Variants in NR6A1 observed in about 807,000 individuals in gnomAD.
NR6A1 encodes the protein nuclear receptor subfamily 6 group A member 1, also known as retinoic acid receptor-related testis-associated receptor.
A neutral mutation model predicts 59.1 loss-of-function variants in NR6A1; 7 were observed. The ratio of observed to expected loss-of-function variants is 0.12; its 90% CI spans 0.07 to 0.22. The LOEUF is 0.22. Ranked by LOEUF, NR6A1 falls within the 10% of genes least tolerant of loss-of-function variation. The pLI is 1.00. For synonymous variants in NR6A1, 243 were observed against 236.1 expected (o/e 1.03, Z -0.27); for missense variants, 468 against 611.6 (o/e 0.77, Z 2.48).
chr9:124,542,313 G>A (rs1412948830), intron 4 of NR6A1, among the ~76,000 whole-genome samples: 1 of 152,194 alleles, frequency 6.6e-6, no homozygotes, highest in Non-Finnish European at 1.5e-5. Flanking sequence ...GCAGAGTTGG[G>A]AATCACACAG....
At position 124,749,015 on chromosome 9, in the gene NR6A1, C is replaced by T. The variant is rs1021730730; in HGVS notation, c.101-15666G>A. 2.0e-5 allele frequency among the ~76,000 whole-genome samples: 3 copies of T among 152,324 alleles called. No individual in the cohort carries two copies. In the East Asian group the frequency reaches 5.8e-4, roughly 29 times the overall value. On this transcript the variant is annotated intron_variant, in intron 1 of 9. Transcript: ENST00000487099. ...CGGTGGCTCACGCCTGTAACCCCAG[C>T]ACTTTGGGAGGCCAAGGCGGGCGGA...
chr9:124,590,234 G>A (rs1413262186), intron 2 of NR6A1, among the ~76,000 whole-genome samples: 1 of 151,790 alleles, frequency 6.6e-6, no homozygotes, highest in Non-Finnish European at 1.5e-5. Flanking sequence ...TTTGCCAATT[G>A]TAATTCAGGC....
intron 1 of NR6A1, among the ~76,000 whole-genome samples, chr9:124,745,488 A>G (rs1037338957): frequency 6.6e-6 from 1 of 151,936 alleles, no homozygotes; most frequent in African/African-American, 2.4e-5. Context: ...CCTGCCCAAC[A>G]TGGACAAACC....
rs146789077 is a variant in NR6A1, at chr9:124,726,040, T to C, written c.142+7268A>G. 2.2e-3 allele frequency among the ~76,000 whole-genome samples: 338 copies of C among 152,338 alleles called. 1 individual carries two copies. Among genetic ancestry groups the C allele is most frequent in the African/African-American group, 7.9e-3 (330 of 41,564 alleles). ...CTTTTGATTAGTTCTTACATTTTTA[T>C]GGTACCAATCACAGGGCAAAATTTC... On this transcript the variant is annotated intron_variant, in intron 2 of 9. Coordinates refer to ENST00000487099, the MANE Select transcript of NR6A1 (RefSeq NM_033334.4).
chr9:124,591,111 C>T (rs1032088833), intron 2 of NR6A1, among the ~76,000 whole-genome samples: 5 of 152,318 alleles, frequency 3.3e-5, no homozygotes, highest in Non-Finnish European at 7.4e-5. Flanking sequence ...GAGCCCCTCC[C>T]TTATTGTTGC....
intron 2 of NR6A1, among the ~76,000 whole-genome samples, chr9:124,569,615 G>A (rs755825063): frequency 6.6e-6 from 1 of 152,172 alleles, no homozygotes; most frequent in Non-Finnish European, 1.5e-5. Context: ...CCAACTCTCT[G>A]ATCAGTTGTA....
intron 7 of NR6A1, among the ~76,000 whole-genome samples, chr9:124,530,777 T>C (rs1297285845): frequency 6.6e-6 from 1 of 152,176 alleles, no homozygotes; most frequent in Non-Finnish European, 1.5e-5. Context: ...TAAGACTAGT[T>C]TCAGGACAAA....
intron 2 of NR6A1, among the ~76,000 whole-genome samples, chr9:124,637,564 C>A (rs1039498213): frequency 3.3e-5 from 5 of 152,144 alleles, no homozygotes; most frequent in African/African-American, 1.2e-4. Context: ...CAAATCAAGT[C>A]TGACTCCAAA....
chr9:124,689,047 A>T (rs75085946), intron 2 of NR6A1, among the ~76,000 whole-genome samples: 1 of 152,220 alleles, frequency 6.6e-6, no homozygotes, highest in Non-Finnish European at 1.5e-5. Flanking sequence ...TAAAACACAT[A>T]TATGTACACA....
intron 2 of NR6A1, chr9:124,599,052 C>A: frequency 1.4e-6 from 1 of 733,390 alleles, no homozygotes; most frequent in South Asian, 1.4e-5. Context: ...GTCCCCTTCT[C>A]CTTGTGCTTC....
intron 5 of NR6A1, 37 bp downstream of exon 5, chr9:124,539,996 C>CACTTAAAGCTCA: frequency 6.6e-7 from 1 of 1,521,192 alleles, no homozygotes; most frequent in South Asian, 1.3e-5. Context: ...GGTGGGGGAT[C>CACTTAAAGCTCA]CCTAGATGAT....
At chr9:124,761,676 T>C (rs941294493) in intron 1 of NR6A1, among the ~76,000 whole-genome samples, 7 of 152,184 alleles carry the variant, frequency 4.6e-5, no homozygotes, top group Non-Finnish European at 8.8e-5. Flanking sequence ...GCCAAACATG[T>C]CTAAGGAAAG....
chr9:124,731,776 A>T (rs1387199435), intron 2 of NR6A1, among the ~76,000 whole-genome samples: 1 of 152,256 alleles, frequency 6.6e-6, no homozygotes, highest in Non-Finnish European at 1.5e-5. Context: ...ACAATATAGA[A>T]TATAATACAT....
At chr9:124,690,153 G>C (rs1838483090) in intron 2 of NR6A1, among the ~76,000 whole-genome samples, 1 of 152,088 alleles carries the variant, frequency 6.6e-6, no homozygotes, top group African/African-American at 2.4e-5. Context: ...ATGGTGCTTG[G>C]GAAACACCTA....
At chr9:124,594,421 A>C (rs1835214271) in intron 2 of NR6A1, among the ~76,000 whole-genome samples, 1 of 152,164 alleles carries the variant, frequency 6.6e-6, no homozygotes, top group Non-Finnish European at 1.5e-5. Flanking sequence ...AAAAAAATCT[A>C]AATTCTCCAG....
At chr9:124,754,656 C>G (rs1375698724) in intron 1 of NR6A1, among the ~76,000 whole-genome samples, 1 of 152,132 alleles carries the variant, frequency 6.6e-6, no homozygotes, top group Non-Finnish European at 1.5e-5. Context: ...TCTGTAAGGT[C>G]TACAGATTAG....
chr9:124,618,778 G>A (rs1835974582), intron 2 of NR6A1, among the ~76,000 whole-genome samples: 1 of 152,118 alleles, frequency 6.6e-6, no homozygotes, highest in Non-Finnish European at 1.5e-5. Flanking sequence ...ACTTCTCCCT[G>A]GAACATTTAT....
At position 124,554,321 on chromosome 9, in the gene NR6A1, C is replaced by T; in HGVS notation, c.385+7G>A. On this transcript the variant is annotated splice_region_variant and intron_variant, in intron 3 of 9. Transcript: ENST00000487099. ...GATGGGCCATCAGAGCCATCAGCAC[C>T]ACTCACCCTTCCGGTTCATCCCCAT... The T allele has an allele frequency of 6.2e-7, 1 of 1,614,118 alleles. No individual in the cohort carries two copies. The highest frequency in any genetic ancestry group is 1.1e-5 in the South Asian group (1 of 91,082).
rs574573149 is a variant in NR6A1 at position 124,688,263 on chromosome 9, T to C, written c.142+45045A>G. Among the ~76,000 whole-genome samples, 3 of 151,964 alleles carry C rather than the reference T, an allele frequency of 2.0e-5. No individual in the cohort carries two copies. In the South Asian group the frequency reaches 6.2e-4, roughly 32 times the overall value. On this transcript the variant is annotated intron_variant, in intron 2 of 9. Coordinates refer to ENST00000487099, the MANE Select transcript of NR6A1 (RefSeq NM_033334.4). ...TTACTTGAGCCCAGGAGTTTCAGGATACAGTGAGCTGTGACTGCACCACTG... is the reference window on the plus strand; with the variant it reads ...TTACTTGAGCCCAGGAGTTTCAGGACACAGTGAGCTGTGACTGCACCACTG...
Sources: gnomAD v4.1 joint callset for allele counts (sites outside exome capture counted in the v4.1 genomes callset) on GRCh38, gnomAD v4.1.1 for gene constraint, MANE v1.5 for transcripts, NCBI Gene and HGNC (gene_info 2026-07-23, HGNC 2026-07-21) for gene names.